Variants in ZNF222 observed in about 807,000 individuals in gnomAD.
ZNF222 encodes the protein zinc finger protein 222.
Under a neutral mutation model 11.6 loss-of-function variants are expected in ZNF222, and 8 were observed. That is an observed-to-expected ratio of 0.69 (90% CI 0.41 to 1.25). ZNF222 has a LOEUF of 1.25. Among genes scored for constraint, ZNF222 ranks in the 50% most tolerant of loss-of-function variants. ZNF222 has a pLI of 0.01. For synonymous variants in ZNF222, 171 were observed against 195.6 expected, an observed-to-expected ratio of 0.87 and a Z score of 1.05; for missense variants, 483 against 576.1, an observed-to-expected ratio of 0.84 and a Z score of 1.65.
At chr19:44,030,009 G>A (rs560494858) in intron 3 of ZNF222, among the ~76,000 whole-genome samples, 20 of 152,258 alleles carry the variant, frequency 1.3e-4, no homozygotes, top group African/African-American at 4.3e-4. Context: ...TTCTTGTTTT[G>A]TAAATGTTTA....
At chr19:44,027,324 G>A in intron 2 of ZNF222, 74 bp from the exon 3 acceptor site, 1 of 1,562,772 alleles carries the variant, frequency 6.4e-7, no homozygotes, top group Non-Finnish European at 8.8e-7. Context: ...ATGGTACACT[G>A]CAATTACGTT....
At chr19:44,027,684 C>T (rs967592117) in intron 3 of ZNF222, among the ~76,000 whole-genome samples, 194 bp downstream of exon 3, 3 of 133,806 alleles carry the variant, frequency 2.2e-5, no homozygotes, top group Non-Finnish European at 4.7e-5. Flanking sequence ...CCGTAGGAAA[C>T]GGAAGTCACA....
rs1568505559 is a variant in ZNF222 at position 44,032,784 on chromosome 19, CTG to C, written c.1233_1234del (p.Cys411Ter). On this transcript the variant is annotated frameshift_variant, in exon 4 of 4. Coordinates refer to ENST00000391960, the MANE Select transcript of ZNF222 (RefSeq NM_001129996.2). LOFTEE classifies it low-confidence loss of function (END_TRUNC). ...RTHTGERSYN[C>X]DNCGKSFRHA... The stretch of plus-strand genomic sequence containing the variant: ...CCCACACGGGAGAGAGATCTTATAA[CTG>C]TGATAACTGCGGGAAGAGCTTTAGA... The C allele has an allele frequency of 1.2e-6, 2 of 1,614,074 alleles. No individual in the cohort carries two copies. The highest frequency in any genetic ancestry group is 1.7e-5 in the Admixed American group (1 of 60,020).
In ZNF222 at chr19:44,026,138, G is replaced by C. The variant is rs775276474; in HGVS notation, c.42+660G>C. On this transcript the variant is annotated intron_variant, in intron 1 of 3. Transcript: ENST00000391960. ...TGACAGAGATGCTTACCTCAACCGAGAGTGTGTAGGATTTGTCCCTCGGGC... is the reference window on the plus strand; with the variant it reads ...TGACAGAGATGCTTACCTCAACCGACAGTGTGTAGGATTTGTCCCTCGGGC... The C allele has an allele frequency of 1.1e-5, 17 of 1,579,108 alleles. No individual in the cohort carries two copies. The South Asian group carries it at 1.3e-4, about 12-fold the overall frequency.
intron 3 of ZNF222, among the ~76,000 whole-genome samples, chr19:44,029,205 T>A (rs902461119): frequency 6.8e-6 from 1 of 147,652 alleles, no homozygotes; most frequent in African/African-American, 2.5e-5. Context: ...TTTTTTTTTT[T>A]TTTTTTTTTG....
chr19:44,027,053 A>C lies in ZNF222; in HGVS notation c.73A>C (p.Ile25Leu). 1.2e-6 allele frequency: 2 copies of C among 1,614,034 alleles called. No individual in the cohort carries two copies. Among genetic ancestry groups the C allele is most frequent in the Non-Finnish European group, 1.7e-6 (2 of 1,180,012 alleles). ...AGTGACCTTCAAGGATGTGGCTGTG[A>C]TCTTCACTGAGGAGGAGCTGGGGCT... ...EAVTFKDVAVIFTEEELGLLD... is the reference protein window; with the variant it reads ...EAVTFKDVAVLFTEEELGLLD... Residue 25 changes from isoleucine (I) to leucine (L), a missense_variant, in exon 2 of 4, where the codon ATC (isoleucine) becomes CTC (leucine). Ile to Leu is a conservative substitution (Grantham distance 5). Coordinates refer to ENST00000391960, the MANE Select transcript of ZNF222 (RefSeq NM_001129996.2).
At chr19:44,026,463 C>CTA (rs942045452) in intron 1 of ZNF222, among the ~76,000 whole-genome samples, 3 of 151,618 alleles carry the variant, frequency 2.0e-5, no homozygotes, top group African/African-American at 7.3e-5. Flanking sequence ...GCTTGGACTT[C>CTA]TATAGGAGTT....
Position 44,032,288 on chromosome 19 carries a change from A to T in ZNF222, c.734A>T (p.Gln245Leu), listed in dbSNP as rs749086184. ...HTGEKPFKCE[Q>L]CGKGFRCRSA... ...GGAGAGAAACCATTCAAATGTGAGC[A>T]GTGTGGGAAAGGCTTCAGATGTAGA... Residue 245 changes from glutamine to leucine, a missense_variant, in exon 4 of 4, where the codon CAG becomes CTG. Gln to Leu is a moderately radical substitution (Grantham distance 113, BLOSUM62 -2). Transcript: ENST00000391960. 43 of 1,614,104 alleles carry T rather than the reference A, an allele frequency of 2.7e-5. No homozygotes were observed. Among genetic ancestry groups the T allele is most frequent in the Non-Finnish European group, 3.6e-5 (43 of 1,180,050 alleles).
chr19:44,026,065 G>T (rs1368911759), intron 1 of ZNF222: 9 of 1,613,336 alleles, frequency 5.6e-6, no homozygotes, highest in Non-Finnish European at 7.6e-6. Context: ...GGACTTCTTG[G>T]CTACTGATGG....
intron 2 of ZNF222, 102 bp from the exon 3 acceptor site, chr19:44,027,296 T>G: frequency 6.4e-7 from 1 of 1,565,918 alleles, no homozygotes; most frequent in South Asian, 1.1e-5. Flanking sequence ...GTAATTGTGG[T>G]TTTTGTCATT....
In ZNF222 at chr19:44,027,041, G is replaced by A. The variant is rs756334418; in HGVS notation, c.61G>A (p.Asp21Asn). ...GTTGTAGGAGGCAGTGACCTTCAAG[G>A]ATGTGGCTGTGATCTTCACTGAGGA... ...RRAEEAVTFK[D>N]VAVIFTEEEL... is the part of the protein sequence containing the mutation. Residue 21 changes from aspartate to asparagine, a missense_variant, in exon 2 of 4, where the codon GAT (aspartate) becomes AAT (asparagine). Coordinates refer to ENST00000391960, the MANE Select transcript of ZNF222 (RefSeq NM_001129996.2). 6 of 1,614,076 alleles carry A rather than the reference G, an allele frequency of 3.7e-6. No individual in the cohort carries two copies. Among genetic ancestry groups the A allele is most frequent in the Non-Finnish European group, 5.1e-6 (6 of 1,180,004 alleles).
Position 44,028,704 on chromosome 19 carries a change from G to A in ZNF222, c.262+1214G>A, listed in dbSNP as rs147866952. On this transcript the variant is annotated intron_variant, in intron 3 of 3. Transcript: ENST00000391960. ...GCACCTAGAATACTCCTGGTACATG[G>A]CAGTTATCTGTAAATATTTGGTATT... Among the ~76,000 whole-genome samples the A allele has an allele frequency of 3.6e-3, 545 of 152,270 alleles. 1 individual carries two copies. Among genetic ancestry groups the A allele is most frequent in the African/African-American group, 0.012 (513 of 41,538 alleles).
chr19:44,032,625 A>T lies in ZNF222; in HGVS notation c.1071A>T (p.Glu357Asp). 1 of 1,614,032 alleles carries T rather than the reference A, an allele frequency of 6.2e-7. No homozygotes were observed. The highest frequency in any genetic ancestry group is 1.1e-5 in the South Asian group (1 of 91,082). The change falls in exon 4 of 4, where the codon GAA (glutamate) becomes GAT (aspartate). Residue 357 changes from glutamate to aspartate, a missense_variant. By Grantham distance (45) the Glu-to-Asp change is conservative. Coordinates refer to ENST00000391960, the MANE Select transcript of ZNF222 (RefSeq NM_001129996.2). Reference sequence around the variant, plus strand: ...GACAGAAACCATATAATTGTAAAGAATGTGGGAAGAGCTTCAAATGGTCCT... The same window carrying T: ...GACAGAAACCATATAATTGTAAAGATTGTGGGAAGAGCTTCAAATGGTCCT... ...HMGQKPYNCK[E>D]CGKSFKWSSY...
Position 44,031,918 on chromosome 19 carries a change from A to G in ZNF222, c.364A>G (p.Arg122Gly), listed in dbSNP as rs59926292. The stretch of plus-strand genomic sequence containing the variant: ...GGAACAAATTGCAAGTGACTTAACC[A>G]GGTCTCAAGATACCACCATAAGTAA... ...IWEQIASDLT[R>G]SQDTTISNSQ... The change falls in exon 4 of 4, where the codon AGG (arginine) becomes GGG (glycine). Residue 122 changes from arginine to glycine, a missense_variant. Physicochemically the swap from Arg to Gly is moderately radical, Grantham distance 125 (BLOSUM62 -2). Coordinates refer to ENST00000391960, the MANE Select transcript of ZNF222 (RefSeq NM_001129996.2). 19,319 of 1,614,174 alleles carry G rather than the reference A, an allele frequency of 0.012. 2,005 individuals are homozygous for G. In the African/African-American group the frequency reaches 0.23, roughly 19 times the overall value.
At chr19:44,027,250 C>T (rs1242319858) in intron 2 of ZNF222, 101 bp downstream of exon 2, 2 of 1,588,690 alleles carry the variant, frequency 1.3e-6, no homozygotes, top group Non-Finnish European at 1.7e-6. Flanking sequence ...CCTACATTTC[C>T]AGTAAATTTT....
At chr19:44,029,830 A>C (rs1375686122) in intron 3 of ZNF222, among the ~76,000 whole-genome samples, 3 of 152,248 alleles carry the variant, frequency 2.0e-5, no homozygotes, top group Non-Finnish European at 4.4e-5. Context: ...ATATCCTGAC[A>C]AAGTTCTAAA....
intron 2 of ZNF222, 111 bp downstream of exon 2, chr19:44,027,260 T>C (rs1976398138): frequency 6.3e-7 from 1 of 1,585,700 alleles, no homozygotes; most frequent in Non-Finnish European, 8.6e-7. Flanking sequence ...CAGTAAATTT[T>C]GCCTGGCTAT....
chr19:44,029,818 T>C (rs1265738627), intron 3 of ZNF222, among the ~76,000 whole-genome samples: 1 of 152,250 alleles, frequency 6.6e-6, no homozygotes, highest in Admixed American at 6.5e-5. Context: ...CAGGACTTGG[T>C]AATATCCTGA....
Position 44,032,686 on chromosome 19 carries a change from G to A in ZNF222, c.1132G>A (p.Glu378Lys). Residue 378 changes from glutamate (E) to lysine (K), a missense_variant, in exon 4 of 4, where the codon GAA (glutamate) becomes AAA (lysine). Physicochemically the swap from Glu to Lys is moderately conservative, Grantham distance 56. Transcript: ENST00000391960. ...GGTCCATCAACGAGTCCACACTGGA[G>A]AAAAGCCATACAAATGTGAGGAGTG... ...LLVHQRVHTG[E>K]KPYKCEECGK... The A allele has an allele frequency of 6.2e-7, 1 of 1,614,224 alleles. No individual in the cohort carries two copies. Among genetic ancestry groups the A allele is most frequent in the Non-Finnish European group, 8.5e-7 (1 of 1,180,046 alleles).
Sources: gnomAD v4.1 joint callset for allele counts (sites outside exome capture counted in the v4.1 genomes callset) on GRCh38, gnomAD v4.1.1 for gene constraint, MANE v1.5 for transcripts, NCBI Gene and HGNC (gene_info 2026-07-23, HGNC 2026-07-21) for gene names.